Variants in TBP observed in about 807,000 individuals in gnomAD.
TBP encodes the protein TATA-box-binding protein.
A neutral mutation model predicts 46.2 loss-of-function variants in TBP; 12 were observed. The ratio of observed to expected loss-of-function variants is 0.26; its 90% CI spans 0.17 to 0.42. TBP has a LOEUF of 0.42. TBP is among the 10% of genes least tolerant of loss of function. The probability of loss-of-function intolerance (pLI) is 1.00; values close to 1 mark genes in which losing one functional copy is unlikely to be tolerated. For synonymous variants in TBP, 157 were observed against 148.3 expected (o/e 1.06, Z -0.42); for missense variants, 229 against 403.1 (o/e 0.57, Z 3.70).
At chr6:170,571,897 T>G (rs1240694429) in intron 7 of TBP, among the ~76,000 whole-genome samples, 3 of 151,788 alleles carry the variant, frequency 2.0e-5, no homozygotes, top group Non-Finnish European at 2.9e-5. Flanking sequence ...GCCGTCCTGC[T>G]TGGTTTATGG....
At chr6:170,558,648 C>G (rs1779078375) in intron 2 of TBP, among the ~76,000 whole-genome samples, 1 of 148,110 alleles carries the variant, frequency 6.8e-6, no homozygotes, top group South Asian at 2.2e-4. Context: ...CAAACTTTTT[C>G]ATTATTATCC....
At chr6:170,570,206 C>T (rs1779344317) in intron 6 of TBP, among the ~76,000 whole-genome samples, 1 of 152,202 alleles carries the variant, frequency 6.6e-6, no homozygotes, top group Admixed American at 6.5e-5. Context: ...CTGCTACTTG[C>T]AGGTGAAGAC....
At position 170,572,428 on chromosome 6, in the gene TBP, G is replaced by C; in HGVS notation, c.*163G>C. 1 of 631,878 alleles carries C rather than the reference G, an allele frequency of 1.6e-6. No homozygotes were observed. The highest frequency in any genetic ancestry group is 2.8e-6 in the Non-Finnish European group (1 of 360,324). The allele number at this position is 631,878 out of a possible 1,614,324, so 39.1% of individuals were successfully genotyped here. A position where few individuals can be genotyped will look rare whatever the true frequency, so the allele number is the denominator to read the frequency against. ...CTTCTGTAAGTGCCCACCGCGGGAT[G>C]CCGGGAAGGGGCATTATTTGTGCAC... On this transcript the variant is annotated 3_prime_UTR_variant, in exon 8 of 8. Transcript: ENST00000392092.
intron 3 of TBP, 40 bp from the exon 4 acceptor site, chr6:170,564,505 T>C (rs1290866467): frequency 7.1e-7 from 1 of 1,413,498 alleles, no homozygotes; most frequent in African/African-American, 1.4e-5. Context: ...GAAACTTAAG[T>C]AATTTAAATA....
chr6:170,561,312 A>G (rs552168844), intron 2 of TBP, among the ~76,000 whole-genome samples: 1 of 152,316 alleles, frequency 6.6e-6, no homozygotes, highest in African/African-American at 2.4e-5. Context: ...CTTTATTGAG[A>G]TGGTCTGGAA....
chr6:170,557,735 C>CAAAAAA (rs35269766), intron 2 of TBP, among the ~76,000 whole-genome samples: 7 of 51,952 alleles, frequency 1.3e-4, no homozygotes, highest in East Asian at 1.1e-3. Context: ...GACTCTGTCT[C>CAAAAAA]AAAAAAAAAA....
intron 5 of TBP, among the ~76,000 whole-genome samples, chr6:170,568,371 C>CAT (rs768039013): frequency 5.8e-4 from 88 of 151,888 alleles, no homozygotes; most frequent in East Asian, 3.3e-3. Context: ...AAAAGCGTAG[C>CAT]ATATATATAT....
chr6:170,564,928 G>C (rs976859228), intron 4 of TBP, among the ~76,000 whole-genome samples: 1 of 151,922 alleles, frequency 6.6e-6, no homozygotes, highest in Non-Finnish European at 1.5e-5. Flanking sequence ...AGGCCGAGGT[G>C]GGCGGATCAT....
chr6:170,557,735 CAAAAAA>C (rs35269766), intron 2 of TBP, among the ~76,000 whole-genome samples: 4 of 52,002 alleles, frequency 7.7e-5, no homozygotes, highest in African/African-American at 1.5e-4. Flanking sequence ...GACTCTGTCT[CAAAAAA>C]AAAAAAAAAA....
chr6:170,566,828 A>G, intron 4 of TBP, 90 bp from the exon 5 acceptor site: 1 of 990,590 alleles, frequency 1.0e-6, no homozygotes, highest in South Asian at 1.4e-5. Context: ...CCTTCCTACC[A>G]GTTGTGATTT....
intron 2 of TBP, among the ~76,000 whole-genome samples, chr6:170,557,298 AC>A (rs148760675): frequency 0.017 from 2,610 of 152,338 alleles, 54 homozygotes; most frequent in Middle Eastern, 0.051. Context: ...TTTATGAAAC[AC>A]CTAATCTTTT....
At chr6:170,559,818 A>G (rs1006780433) in intron 2 of TBP, among the ~76,000 whole-genome samples, 1 of 152,240 alleles carries the variant, frequency 6.6e-6, no homozygotes, top group Non-Finnish European at 1.5e-5. Context: ...GCCTAGCCTC[A>G]AAGCTTCAGA....
rs1473169732 is a variant in TBP at position 170,572,420 on chromosome 6, C to T, written c.*155C>T. ...GTGATGCCCTTCTGTAAGTGCCCACCGCGGGATGCCGGGAAGGGGCATTAT... is the reference window on the plus strand; with the variant it reads ...GTGATGCCCTTCTGTAAGTGCCCACTGCGGGATGCCGGGAAGGGGCATTAT... On this transcript the variant is annotated 3_prime_UTR_variant, in exon 8 of 8. Transcript: ENST00000392092. The T allele has an allele frequency of 1.1e-5, 7 of 648,562 alleles. No individual in the cohort carries two copies. The highest frequency in any genetic ancestry group is 5.7e-5 in the Admixed American group (2 of 35,374). The allele number at this position is 648,562 out of a possible 1,614,324, so 40.2% of individuals were successfully genotyped here.
chr6:170,567,290 G>A (rs1779280934), intron 5 of TBP: 1 of 156,624 alleles, frequency 6.4e-6, no homozygotes, highest in South Asian at 2.0e-4. Flanking sequence ...TTCGAGACCA[G>A]CCTGACCAAC....
At chr6:170,569,575 T>C (rs1289632439) in intron 5 of TBP, 37 bp from the exon 6 acceptor site, 1 of 1,588,880 alleles carries the variant, frequency 6.3e-7, no homozygotes, top group Admixed American at 1.8e-5. Context: ...TTTAGCTGGC[T>C]CTGAGTATGA....
chr6:170,568,351 C>T (rs1779303561), intron 5 of TBP, among the ~76,000 whole-genome samples: 1 of 152,116 alleles, frequency 6.6e-6, no homozygotes, highest in South Asian at 2.1e-4. Flanking sequence ...AATACATTTA[C>T]CTGAAATTTA....
At chr6:170,560,377 T>C (rs985348297) in intron 2 of TBP, among the ~76,000 whole-genome samples, 1 of 152,258 alleles carries the variant, frequency 6.6e-6, no homozygotes, top group Admixed American at 6.5e-5. Flanking sequence ...TGGTGGCATG[T>C]GCCTGTAGTC....
rs1401257323 is a variant in TBP, at chr6:170,556,976, T to C, written c.-54T>C. Reference sequence around the variant, plus strand: ...GATGCTCTAGGAAAAAATTGAATAGTGAGACGAGTTCCAGCGCAAGGGTTT... The same window carrying C: ...GATGCTCTAGGAAAAAATTGAATAGCGAGACGAGTTCCAGCGCAAGGGTTT... On this transcript the variant is annotated 5_prime_UTR_variant, in exon 2 of 8. Transcript: ENST00000392092. The C allele has an allele frequency of 1.9e-6, 3 of 1,579,898 alleles. No homozygotes were observed. Among genetic ancestry groups the C allele is most frequent in the Non-Finnish European group, 2.6e-6 (3 of 1,150,486 alleles).
chr6:170,561,820 T>G lies in TBP; in HGVS notation c.84T>G (p.Phe28Leu). 6.2e-7 allele frequency: 1 copy of G among 1,611,966 alleles called. No individual in the cohort carries two copies. Among genetic ancestry groups the G allele is most frequent in the East Asian group, 2.2e-5 (1 of 44,830 alleles). Residue 28 changes from phenylalanine (F) to leucine (L), a missense_variant, in exon 3 of 8, where the codon TTT becomes TTG. By Grantham distance (22) the Phe-to-Leu change is conservative. Around this residue, in one of 4 missense-constraint regions of TBP, gnomAD observed 49 missense variants for 94.7 expected, o/e 0.52. Transcript: ENST00000392092. ...CCATGACTCCCGGAATCCCTATCTT[T>G]AGTCCAATGATGCCTTATGGCACTG... ...QGAMTPGIPI[F>L]SPMMPYGTGL...
Sources: gnomAD v4.1 joint callset for allele counts (sites outside exome capture counted in the v4.1 genomes callset) on GRCh38, gnomAD v4.1.1 for gene constraint, gnomAD v4.1.1 regional missense constraint, MANE v1.5 for transcripts, NCBI Gene and HGNC (gene_info 2026-07-23, HGNC 2026-07-21) for gene names.